Variants in IQGAP2 observed in about 807,000 individuals in gnomAD.
IQGAP2 encodes the protein ras GTPase-activating-like protein IQGAP2.
IQGAP2 carries 173 observed loss-of-function variants against 201.3 expected under a neutral mutation model. That is an observed-to-expected ratio of 0.86 (90% CI 0.76 to 0.98). The LOEUF is 0.98. Ranked by LOEUF, IQGAP2 falls within the 50% of genes least tolerant of loss-of-function variation. The pLI, the probability that IQGAP2 is intolerant of heterozygous loss-of-function variation, is 0.00. For synonymous variants in IQGAP2, 675 were observed against 673.9 expected (o/e 1.00, Z -0.03); for missense variants, 1,687 against 1,864.8 (o/e 0.90, Z 1.76).
intron 17 of IQGAP2, among the ~76,000 whole-genome samples, chr5:76,647,617 G>A (rs1752160034): frequency 6.6e-6 from 1 of 152,068 alleles, no homozygotes; most frequent in African/African-American, 2.4e-5. Context: ...CACCATGATT[G>A]TGAGGCCTCC....
chr5:76,514,348 C>T (rs1758174369), intron 2 of IQGAP2, among the ~76,000 whole-genome samples: 1 of 152,088 alleles, frequency 6.6e-6, no homozygotes, highest in African/African-American at 2.4e-5. Flanking sequence ...GGCCACAAGA[C>T]ATCAATCATG....
chr5:76,432,507 G>C (rs59640448), intron 1 of IQGAP2, among the ~76,000 whole-genome samples: 5,839 of 152,268 alleles, frequency 0.038, 213 homozygotes, highest in African/African-American at 0.095. Flanking sequence ...GAACAGGATA[G>C]AAGCCAAGAT....
chr5:76,420,618 G>A (rs973348317), intron 1 of IQGAP2, among the ~76,000 whole-genome samples: 15 of 151,970 alleles, frequency 9.9e-5, no homozygotes, highest in African/African-American at 1.4e-4. Flanking sequence ...CTTGTGATCC[G>A]CCCACCTTGG....
In IQGAP2 at chr5:76,597,430, C is replaced by T. The variant is rs760403481; in HGVS notation, c.908-9C>T. ...ACCATTCTGACAAAACATGAACCCC[C>T]ATCCTCAGGGCAGGCTGCAGTGGAC... On this transcript the variant is annotated splice_polypyrimidine_tract_variant and intron_variant, in intron 9 of 35. Coordinates refer to ENST00000274364, the MANE Select transcript of IQGAP2 (RefSeq NM_006633.5). The T allele has an allele frequency of 6.2e-7, 1 of 1,613,452 alleles. No individual in the cohort carries two copies. Among genetic ancestry groups the T allele is most frequent in the South Asian group, 1.1e-5 (1 of 91,046 alleles).
At chr5:76,445,836 C>T (rs183905448) in intron 1 of IQGAP2, among the ~76,000 whole-genome samples, 12 of 152,254 alleles carry the variant, frequency 7.9e-5, no homozygotes, top group East Asian at 7.7e-4. Context: ...CCAACATGAA[C>T]GCCCCGTTCT....
intron 1 of IQGAP2, among the ~76,000 whole-genome samples, chr5:76,446,631 A>G (rs1753408473): frequency 6.6e-6 from 1 of 152,062 alleles, no homozygotes; most frequent in Non-Finnish European, 1.5e-5. Context: ...TTTGCACTCT[A>G]CTTTTAAGGA....
chr5:76,520,595 A>G (rs1201561126), intron 2 of IQGAP2, among the ~76,000 whole-genome samples: 1 of 152,108 alleles, frequency 6.6e-6, no homozygotes, highest in African/African-American at 2.4e-5. Context: ...CCCTTGAAAA[A>G]ATTCTGCTAG....
In IQGAP2 at chr5:76,673,945, T is replaced by C; in HGVS notation, c.3210-7T>C. On this transcript the variant is annotated splice_region_variant and splice_polypyrimidine_tract_variant and intron_variant, in intron 25 of 35. Transcript: ENST00000274364. ...TTATTTTCTTTTGTCATCTGTTTTA[T>C]ATGTAGTTATGGATTGAGGTATATA... 1 of 1,494,404 alleles carries C rather than the reference T, an allele frequency of 6.7e-7. No individual in the cohort carries two copies. Among genetic ancestry groups the C allele is most frequent in the Non-Finnish European group, 9.3e-7 (1 of 1,073,334 alleles). The allele number at this position is 1,494,404 out of a possible 1,614,324, so 92.6% of individuals were successfully genotyped here.
Position 76,707,398 on chromosome 5 carries a change from A to T in IQGAP2, c.*85A>T, listed in dbSNP as rs1341048113. ...ATATTTTTGTTTTTAAACATGATTG[A>T]AATCACTGCTTATAAATGTGTGATT... On this transcript the variant is annotated 3_prime_UTR_variant, in exon 36 of 36. Transcript: ENST00000274364. 1.4e-6 allele frequency: 1 copy of T among 713,496 alleles called. No homozygotes were observed. The highest frequency in any genetic ancestry group is 1.8e-5 in the African/African-American group (1 of 55,504). 44.2% of individuals were successfully genotyped at this position (713,496 alleles called of 1,614,324 possible).
intron 1 of IQGAP2, among the ~76,000 whole-genome samples, chr5:76,408,840 T>G (rs1036972862): frequency 1.3e-5 from 2 of 152,136 alleles, no homozygotes; most frequent in African/African-American, 2.4e-5. Flanking sequence ...TCACCCAGGC[T>G]GAAGTACAGT....
At chr5:76,470,613 G>A (rs570711061) in intron 2 of IQGAP2, among the ~76,000 whole-genome samples, 47 of 152,120 alleles carry the variant, frequency 3.1e-4, no homozygotes, top group Non-Finnish European at 1.3e-4. Context: ...GTCTTGCTGT[G>A]TTGCCCAGGC....
At position 76,695,652 on chromosome 5, in the gene IQGAP2, A is replaced by G. The variant is rs1403092826; in HGVS notation, c.4192A>G (p.Asn1398Asp). The change falls in exon 32 of 36, where the codon AAT (asparagine) becomes GAT (aspartate). Residue 1398 changes from asparagine (N) to aspartate (D), a missense_variant. Transcript: ENST00000274364. ...CGAAAATAAATACCAAGACATTCTC[A>G]ATGAGATTGCCAAGGTTTTTGGAAA... ...SSENKYQDIL[N>D]EIAKDIRNQR... is the part of the protein sequence containing the mutation. The G allele has an allele frequency of 6.2e-7, 1 of 1,611,858 alleles. No individual in the cohort carries two copies. Among genetic ancestry groups the G allele is most frequent in the Non-Finnish European group, 8.5e-7 (1 of 1,177,996 alleles).
At chr5:76,597,661 G>C in intron 10 of IQGAP2, 59 bp downstream of exon 10, 1 of 1,569,610 alleles carries the variant, frequency 6.4e-7, no homozygotes, top group Non-Finnish European at 8.7e-7. Context: ...TGGCGCACTA[G>C]GGAAGCCTAG....
rs559318275 is a variant in IQGAP2, at chr5:76,609,355, T to C, written c.1358-1665T>C. On this transcript the variant is annotated intron_variant, in intron 12 of 35. Transcript: ENST00000274364. The stretch of plus-strand genomic sequence containing the variant: ...TTGTATATAGATAATACTTAGACTT[T>C]CCAGAGTTCTGTCAATGTTTACAGA... The C allele has an allele frequency of 4.4e-5, 37 of 845,760 alleles. No homozygotes were observed. In the East Asian group the frequency reaches 4.6e-4, roughly 10 times the overall value. The allele number at this position is 845,760 out of a possible 1,614,324, so 52.4% of individuals were successfully genotyped here.
At chr5:76,473,265 A>G (rs574399321) in intron 2 of IQGAP2, among the ~76,000 whole-genome samples, 3 of 152,020 alleles carry the variant, frequency 2.0e-5, no homozygotes, top group African/African-American at 7.2e-5. Context: ...ATAAATTCTC[A>G]CTTAAGCTTT....
At chr5:76,431,166 T>G (rs1319668162) in intron 1 of IQGAP2, among the ~76,000 whole-genome samples, 2 of 151,958 alleles carry the variant, frequency 1.3e-5, no homozygotes, top group African/African-American at 4.8e-5. Context: ...AGGACTTGGG[T>G]GGGTAATAGG....
intron 1 of IQGAP2, among the ~76,000 whole-genome samples, chr5:76,450,240 T>G (rs1213881987): frequency 6.6e-6 from 1 of 152,200 alleles, no homozygotes; most frequent in African/African-American, 2.4e-5. Context: ...ATCTTCAGCC[T>G]GCAAACTCGA....
intron 1 of IQGAP2, among the ~76,000 whole-genome samples, chr5:76,441,339 A>G (rs1239096738): frequency 2.0e-5 from 3 of 152,176 alleles, no homozygotes; most frequent in Non-Finnish European, 4.4e-5. Flanking sequence ...AATCACATTC[A>G]TCTATAAGTC....
intron 17 of IQGAP2, among the ~76,000 whole-genome samples, chr5:76,646,812 T>C (rs2150414875): frequency 6.6e-6 from 1 of 152,318 alleles, no homozygotes; most frequent in East Asian, 1.9e-4. Context: ...AACTGTACCA[T>C]TATAATTTTA....
Sources: allele counts gnomAD v4.1 joint callset (sites outside exome capture counted in the v4.1 genomes callset), GRCh38; gene constraint gnomAD v4.1.1; transcripts MANE v1.5; gene names NCBI Gene and HGNC (gene_info 2026-07-23, HGNC 2026-07-21).